PLN: variants seen among roughly 807,000 people sequenced by gnomAD.
PLN encodes phospholamban.
In PLN, 1 loss-of-function variant was observed where a neutral mutation model predicts 3.9. That is an observed-to-expected ratio of 0.26 (90% CI 0.09 to 1.23). PLN has a LOEUF of 1.23. Ranked by LOEUF, PLN falls within the 50% of genes most tolerant of loss-of-function variation. The pLI is 0.48. For missense variants in PLN, 59 were observed against 62.7 expected (o/e 0.94, Z 0.20); for synonymous variants, 21 against 20.5 (o/e 1.02, Z -0.07).
In PLN at chr6:118,548,405, T is replaced by G. The variant is rs1284659514; in HGVS notation, c.-98+13T>G. ...CACAGCTGCCAAGGTAAGAAACAGA[T>G]TTCGCTGACTTTGGTAATTCTTACT... On this transcript the variant is annotated intron_variant, in intron 1 of 1. Coordinates refer to ENST00000357525, the MANE Select transcript of PLN (RefSeq NM_002667.5). 1 of 152,120 alleles carries G rather than the reference T, an allele frequency of 6.6e-6. No homozygotes were observed. Among genetic ancestry groups the G allele is most frequent in the Non-Finnish European group, 1.5e-5 (1 of 67,976 alleles). 9.4% of individuals were successfully genotyped at this position (152,120 alleles called of 1,614,324 possible).
In PLN at chr6:118,559,345, T is replaced by C; in HGVS notation, c.*265T>C. On this transcript the variant is annotated 3_prime_UTR_variant, in exon 2 of 2. Transcript: ENST00000357525. ...CAACTGTTGATTTCCTCAACATGGCTCACAAATTTCTATCCCAAATCTTTT... is the reference window on the plus strand; with the variant it reads ...CAACTGTTGATTTCCTCAACATGGCCCACAAATTTCTATCCCAAATCTTTT... 2.3e-6 allele frequency: 1 copy of C among 435,046 alleles called. No homozygotes were observed. The allele number at this position is 435,046 out of a possible 1,614,324, so 26.9% of individuals were successfully genotyped here. A position where few individuals can be genotyped will look rare whatever the true frequency, so the allele number is the denominator to read the frequency against.
intron 1 of PLN, among the ~76,000 whole-genome samples, chr6:118,552,289 C>G (rs1243757303): frequency 6.6e-6 from 1 of 151,808 alleles, no homozygotes; most frequent in Non-Finnish European, 1.5e-5. Context: ...GGAATACCAC[C>G]AAAAATACTG....
chr6:118,554,205 T>C (rs1422459232), intron 1 of PLN, among the ~76,000 whole-genome samples: 1 of 152,096 alleles, frequency 6.6e-6, no homozygotes, highest in Non-Finnish European at 1.5e-5. Context: ...GGGAGATCGC[T>C]AGAGCCTGGG....
At position 118,559,173 on chromosome 6, in the gene PLN, C is replaced by A; in HGVS notation, c.*93C>A. On this transcript the variant is annotated 3_prime_UTR_variant, in exon 2 of 2. Coordinates refer to ENST00000357525, the MANE Select transcript of PLN (RefSeq NM_002667.5). ...AGGAAAACAATATTGTATAACAGACCACTTCCTGAGTAGAAGAGTTTCTTT... is the reference window on the plus strand; with the variant it reads ...AGGAAAACAATATTGTATAACAGACAACTTCCTGAGTAGAAGAGTTTCTTT... 2.2e-6 allele frequency: 2 copies of A among 923,266 alleles called. No individual in the cohort carries two copies. Among genetic ancestry groups the A allele is most frequent in the Non-Finnish European group, 1.8e-6 (1 of 549,480 alleles). The allele number at this position is 923,266 out of a possible 1,614,324, so 57.2% of individuals were successfully genotyped here. A position where few individuals can be genotyped will look rare whatever the true frequency, so the allele number is the denominator to read the frequency against.
chr6:118,554,447 C>A (rs1310168473), intron 1 of PLN, among the ~76,000 whole-genome samples: 1 of 152,096 alleles, frequency 6.6e-6, no homozygotes, highest in Non-Finnish European at 1.5e-5. Flanking sequence ...ATGCCCTGCC[C>A]ACAGCATTAT....
chr6:118,551,737 C>A (rs1230037708), intron 1 of PLN, among the ~76,000 whole-genome samples: 6 of 151,926 alleles, frequency 3.9e-5, no homozygotes, highest in Admixed American at 1.3e-4. Context: ...ATTTTCATAA[C>A]CAGACAGAAG....
chr6:118,557,910 C>T (rs1778972645), intron 1 of PLN, among the ~76,000 whole-genome samples: 2 of 151,808 alleles, frequency 1.3e-5, no homozygotes, highest in Non-Finnish European at 2.9e-5. Flanking sequence ...TAATAGACCA[C>T]CACAACCACT....
Position 118,558,906 on chromosome 6 carries a change from C to T in PLN, c.-16C>T, listed in dbSNP as rs1779063075. ...TCGACCACTTAAAACTTCAGACTTC[C>T]TGTCCTGCTGGTATCATGGAGAAAG... On this transcript the variant is annotated 5_prime_UTR_variant, in exon 2 of 2. Coordinates refer to ENST00000357525, the MANE Select transcript of PLN (RefSeq NM_002667.5). 6.2e-7 allele frequency: 1 copy of T among 1,611,774 alleles called. No homozygotes were observed. Among genetic ancestry groups the T allele is most frequent in the South Asian group, 1.1e-5 (1 of 91,024 alleles).
chr6:118,551,967 C>A (rs935164178), intron 1 of PLN, among the ~76,000 whole-genome samples: 1 of 152,076 alleles, frequency 6.6e-6, no homozygotes, highest in East Asian at 1.9e-4. Flanking sequence ...AGGGTATATG[C>A]ACATTCACTT....
intron 1 of PLN, among the ~76,000 whole-genome samples, chr6:118,552,677 C>T (rs1277131972): frequency 1.3e-5 from 2 of 150,128 alleles, no homozygotes; most frequent in Non-Finnish European, 3.0e-5. Context: ...TTTTAATTTC[C>T]AGCGTTACTT....
In PLN at chr6:118,561,332, CTGTT is replaced by C. The variant is rs960119467; in HGVS notation, c.*2257_*2260del. Among the ~76,000 whole-genome samples, 2 of 152,238 alleles carry C rather than the reference CTGTT, an allele frequency of 1.3e-5. No homozygotes were observed. Among genetic ancestry groups the C allele is most frequent in the African/African-American group, 2.4e-5 (1 of 41,564 alleles). ...GATTAGTCATATTCCTTTGATTACACTGTTTGTTACAATATTTTTCTCAGTAAAC... is the reference window on the plus strand; with the variant it reads ...GATTAGTCATATTCCTTTGATTACACTGTTACAATATTTTTCTCAGTAAAC... On this transcript the variant is annotated 3_prime_UTR_variant, in exon 2 of 2. Coordinates refer to ENST00000357525, the MANE Select transcript of PLN (RefSeq NM_002667.5).
At chr6:118,553,215 TAAA>T (rs59502810) in intron 1 of PLN, among the ~76,000 whole-genome samples, 10,322 of 138,870 alleles carry the variant, frequency 0.074, 456 homozygotes, top group African/African-American at 0.13. Flanking sequence ...GTTAAGAAAT[TAAA>T]AAAAAAAAAA....
chr6:118,550,849 T>C (rs1465876927), intron 1 of PLN, among the ~76,000 whole-genome samples: 2 of 151,960 alleles, frequency 1.3e-5, no homozygotes, highest in Non-Finnish European at 2.9e-5. Context: ...ATTCAATTTA[T>C]GCATAGCATT....
At chr6:118,555,834 T>A (rs1348602519) in intron 1 of PLN, among the ~76,000 whole-genome samples, 1 of 150,204 alleles carries the variant, frequency 6.7e-6, no homozygotes, top group Middle Eastern at 3.2e-3. Context: ...CCAGCGTCTG[T>A]TGTTTCCTTC....
intron 1 of PLN, among the ~76,000 whole-genome samples, chr6:118,555,906 G>A (rs1778840647): frequency 6.6e-6 from 1 of 151,736 alleles, no homozygotes; most frequent in African/African-American, 2.4e-5. Flanking sequence ...GTGGTATTTG[G>A]TTTTCTTTTC....
rs908469658 is a variant in PLN, at chr6:118,561,080, C to T, written c.*2000C>T. Among the ~76,000 whole-genome samples the T allele has an allele frequency of 2.6e-5, 4 of 152,086 alleles. No individual in the cohort carries two copies. The highest frequency in any genetic ancestry group is 7.2e-5 in the African/African-American group (3 of 41,418). ...AGGAGACACTATTAAATTTTCTGAA[C>T]CCATGAGAGATACTAGAGATGGGGA... On this transcript the variant is annotated 3_prime_UTR_variant, in exon 2 of 2. Transcript: ENST00000357525.
chr6:118,558,610 T>C (rs1426608836), intron 1 of PLN, among the ~76,000 whole-genome samples: 2 of 115,158 alleles, frequency 1.7e-5, no homozygotes, highest in Non-Finnish European at 3.8e-5. Context: ...GACAGACACA[T>C]AGAAACACGT....
chr6:118,559,118 T>A lies in PLN; in HGVS notation c.*38T>A, dbSNP rs1583048134. ...ACCTCTAGATCTGCAGCTTGCCACATCAGCTTAAAATCTGTCATCCCATGC... is the reference window on the plus strand; with the variant it reads ...ACCTCTAGATCTGCAGCTTGCCACAACAGCTTAAAATCTGTCATCCCATGC... On this transcript the variant is annotated 3_prime_UTR_variant, in exon 2 of 2. Transcript: ENST00000357525. 6.5e-7 allele frequency: 1 copy of A among 1,531,584 alleles called. No homozygotes were observed. The allele number at this position is 1,531,584 out of a possible 1,614,324, so 94.9% of individuals were successfully genotyped here. A position where few individuals can be genotyped will look rare whatever the true frequency, so the allele number is the denominator to read the frequency against.
intron 1 of PLN, among the ~76,000 whole-genome samples, chr6:118,556,618 T>C (rs1186065003): frequency 1.3e-5 from 2 of 152,150 alleles, no homozygotes; most frequent in South Asian, 2.1e-4. Flanking sequence ...GGCTAACAGG[T>C]TGAGATGGGC....
Sources: gnomAD v4.1 joint callset for allele counts (sites outside exome capture counted in the v4.1 genomes callset) on GRCh38, gnomAD v4.1.1 for gene constraint, MANE v1.5 for transcripts, NCBI Gene and HGNC (gene_info 2026-07-23, HGNC 2026-07-21) for gene names.